Variants in PHACTR3 observed in about 807,000 individuals in gnomAD.
PHACTR3 encodes the protein protein phosphatase 1, regulatory subunit 123.
In PHACTR3, 16 loss-of-function variants were observed where a neutral mutation model predicts 66.8. The observed-to-expected ratio is 0.24, with a 90% confidence interval of 0.16 to 0.36. PHACTR3 has a LOEUF of 0.36. Among genes scored for constraint, PHACTR3 ranks in the 10% least tolerant of loss-of-function variants. The pLI is 1.00. For synonymous variants in PHACTR3, 323 were observed against 292.1 expected (o/e 1.11, Z -1.08); for missense variants, 647 against 719.9 (o/e 0.90, Z 1.16).
In PHACTR3 at chr20:59,736,194, A is replaced by T. The variant is rs1448952333; in HGVS notation, c.119-6913A>T. Among the ~76,000 whole-genome samples, 1 of 152,078 alleles carries T rather than the reference A, an allele frequency of 6.6e-6. No homozygotes were observed. Among genetic ancestry groups the T allele is most frequent in the Non-Finnish European group, 1.5e-5 (1 of 67,982 alleles). On this transcript the variant is annotated intron_variant, in intron 1 of 12. Coordinates refer to ENST00000371015, the MANE Select transcript of PHACTR3 (RefSeq NM_080672.5). This position sits in a 1 kb window ranked among gnomAD's most constrained non-coding sequence, Gnocchi z 4.6. ...TGTAGCACTTCCTCACACAGATGCCAGGTGTGACAGACATTTCCCATTAAT... is the reference window on the plus strand; with the variant it reads ...TGTAGCACTTCCTCACACAGATGCCTGGTGTGACAGACATTTCCCATTAAT...
At chr20:59,763,077 C>A (rs576854734) in intron 4 of PHACTR3, among the ~76,000 whole-genome samples, 61 of 152,274 alleles carry the variant, frequency 4.0e-4, no homozygotes, top group Admixed American at 8.5e-4. Flanking sequence ...CCATAATCTC[C>A]ACGTGTCAAG....
At chr20:59,832,511 G>A (rs1025992234) in intron 8 of PHACTR3, among the ~76,000 whole-genome samples, 8 of 152,174 alleles carry the variant, frequency 5.3e-5, no homozygotes, top group African/African-American at 1.9e-4. Flanking sequence ...GGTCTGGGCA[G>A]GTCCGTATCT....
intron 1 of PHACTR3, among the ~76,000 whole-genome samples, chr20:59,631,264 G>A (rs930989366): frequency 7.9e-5 from 12 of 152,190 alleles, no homozygotes; most frequent in South Asian, 2.1e-4. Context: ...GTGCATACAT[G>A]TCACTGGGAG....
At chr20:59,600,097 C>A (rs544494295), upstream of PHACTR3, among the ~76,000 whole-genome samples, 3 of 152,276 alleles carry the variant, frequency 2.0e-5, no homozygotes, top group South Asian at 4.1e-4. Context: ...GACTTCAGGG[C>A]TCCATGCTGC....
Position 59,590,268 on chromosome 20 carries a change from G to A in PHACTR3, c.109+12651G>A, listed in dbSNP as rs150656483. Among the ~76,000 whole-genome samples the A allele has an allele frequency of 6.2e-3, 949 of 152,310 alleles. 5 individuals carry two copies. The highest frequency in any genetic ancestry group is 0.012 in the Admixed American group (178 of 15,298). On this transcript the variant is annotated intron_variant, in intron 1 of 12. Transcript: ENST00000359926. ...TGCTATTCCCTAGTGTGGATATACC[G>A]TAGGGCAGCCATTCTGCTTTGAGGG...
At chr20:59,612,861 G>A (rs1162533471) in intron 1 of PHACTR3, among the ~76,000 whole-genome samples, 1 of 152,164 alleles carries the variant, frequency 6.6e-6, no homozygotes, top group Non-Finnish European at 1.5e-5. Flanking sequence ...ATCTGCTCCT[G>A]GTCAGGCCTC....
At chr20:59,697,822 C>T (rs1251792900) in intron 1 of PHACTR3, among the ~76,000 whole-genome samples, 4 of 152,222 alleles carry the variant, frequency 2.6e-5, no homozygotes, top group Non-Finnish European at 5.9e-5. Flanking sequence ...ACTTATGCTG[C>T]ATCCTGTGTT....
At chr20:59,840,880 G>T (rs1345039103) in intron 10 of PHACTR3, among the ~76,000 whole-genome samples, 3 of 152,214 alleles carry the variant, frequency 2.0e-5, no homozygotes, top group African/African-American at 7.2e-5. Context: ...GACTCAAACA[G>T]TTAACATTTA....
intron 1 of PHACTR3, among the ~76,000 whole-genome samples, chr20:59,674,443 C>G (rs1436179298): frequency 7.3e-6 from 1 of 137,794 alleles, no homozygotes; most frequent in African/African-American, 2.7e-5. Context: ...TTCTCCTGTT[C>G]CTTCCCCTTC....
At chr20:59,745,744 T>G (rs145488923) in intron 2 of PHACTR3, among the ~76,000 whole-genome samples, 1 of 152,166 alleles carries the variant, frequency 6.6e-6, no homozygotes, top group African/African-American at 2.4e-5. Flanking sequence ...GACCAGCATC[T>G]CAGTCCATGC....
At chr20:59,589,954 C>T (rs721574) in intron 1 of PHACTR3, among the ~76,000 whole-genome samples, 1,593 of 152,316 alleles carry the variant, frequency 0.01, 82 homozygotes, top group Admixed American at 0.093. Context: ...CTCAGACAGC[C>T]GCCGTCGTGG....
intron 1 of PHACTR3, among the ~76,000 whole-genome samples, chr20:59,725,990 G>A (rs1001261395): frequency 3.3e-5 from 5 of 152,148 alleles, no homozygotes; most frequent in South Asian, 2.1e-4. Context: ...GTTCTACTCC[G>A]ATCCTCTCCG....
chr20:59,839,062 T>C (rs1374351256), intron 9 of PHACTR3, among the ~76,000 whole-genome samples: 1 of 152,174 alleles, frequency 6.6e-6, no homozygotes, highest in East Asian at 1.9e-4. Flanking sequence ...AGATCTGACT[T>C]TGTTTCAATC....
chr20:59,617,446 G>A (rs1165273546), intron 1 of PHACTR3, among the ~76,000 whole-genome samples: 2 of 152,198 alleles, frequency 1.3e-5, no homozygotes, highest in Non-Finnish European at 2.9e-5. Context: ...TTAATGATTG[G>A]TCTCTGTGTG....
chr20:59,667,869 C>A (rs1210376827), intron 1 of PHACTR3, among the ~76,000 whole-genome samples: 1 of 152,184 alleles, frequency 6.6e-6, no homozygotes, highest in Non-Finnish European at 1.5e-5. Flanking sequence ...CTCATGCTTC[C>A]GAGTTAAAAC....
At chr20:59,773,112 C>T (rs1305154531) in intron 5 of PHACTR3, among the ~76,000 whole-genome samples, 167 bp from the exon 6 acceptor site, 11 of 152,174 alleles carry the variant, frequency 7.2e-5, no homozygotes, top group Non-Finnish European at 1.5e-4. Flanking sequence ...GCACCCTGGC[C>T]TCTAGCTTTG....
intron 3 of PHACTR3, among the ~76,000 whole-genome samples, chr20:59,750,133 C>T (rs1422187832): frequency 2.0e-5 from 3 of 151,886 alleles, no homozygotes; most frequent in Admixed American, 6.6e-5. Flanking sequence ...TTAGGTAATC[C>T]CACAAAAAGC....
chr20:59,788,425 T>C (rs1392136967), intron 7 of PHACTR3, among the ~76,000 whole-genome samples: 2 of 151,922 alleles, frequency 1.3e-5, no homozygotes, highest in Admixed American at 1.3e-4. Context: ...CCTCCCCCAT[T>C]GTTGGCTCCC....
chr20:59,590,263 A>G (rs1040211832), intron 1 of PHACTR3, among the ~76,000 whole-genome samples: 1 of 152,216 alleles, frequency 6.6e-6, no homozygotes. Context: ...TAGTGTGGAT[A>G]TACCGTAGGG....
Sources: allele counts gnomAD v4.1 joint callset (sites outside exome capture counted in the v4.1 genomes callset), GRCh38; gene constraint gnomAD v4.1.1; non-coding constraint Gnocchi (gnomAD v3.1); transcripts MANE v1.5; gene names NCBI Gene and HGNC (gene_info 2026-07-23, HGNC 2026-07-21).